KDM5C: variants seen among roughly 807,000 people sequenced by gnomAD.
The protein encoded by KDM5C is lysine-specific demethylase 5C.
A neutral mutation model predicts 110.6 loss-of-function variants in KDM5C; 16 were observed. The observed-to-expected ratio is 0.14, with a 90% CI of 0.10 to 0.22. The LOEUF is 0.22. Among genes scored for constraint, KDM5C ranks in the 10% least tolerant of loss-of-function variants. The pLI is 1.00. For missense variants in KDM5C, 681 were observed against 1,300.9 expected (o/e 0.52, Z 7.33); for synonymous variants, 511 against 520.4 (o/e 0.98, Z 0.24).
chrX:53,195,107 C>T, intron 21 of KDM5C, 39 bp from the exon 22 acceptor site: 5 of 1,195,466 alleles, frequency 4.2e-6, no homozygotes, highest in Non-Finnish European at 4.5e-6. Context: ...ACTGGGCTTC[C>T]CTTACATCCC....
rs1415151995 is a variant in KDM5C, at chrX:53,215,951, G to C, written c.807C>G (p.Pro269=). Residue 269 remains proline, a synonymous_variant, in exon 7 of 26, where the codon CCC becomes CCG. Coordinates refer to ENST00000375401, the MANE Select transcript of KDM5C (RefSeq NM_004187.5). ...CTAACTCCTCCTTCACCACTACTGTGGGGGGACACTCAGGCCCCTCCTTAT... is the reference window on the plus strand; with the variant it reads ...CTAACTCCTCCTTCACCACTACTGTCGGGGGACACTCAGGCCCCTCCTTAT... The part of the protein sequence containing the change: ...KKDKEGPECP[P]TVVVKEELGG... 4 of 1,210,049 alleles carry C rather than the reference G, an allele frequency of 3.3e-6. No individual in the cohort carries two copies. Among genetic ancestry groups the C allele is most frequent in the Non-Finnish European group, 4.5e-6 (4 of 894,982 alleles).
rs782431533 is a variant in KDM5C at position 53,193,755 on chromosome X, C to T, written c.4117+18G>A. 2.5e-6 allele frequency: 3 copies of T among 1,200,879 alleles called. No homozygotes were observed. Among genetic ancestry groups the T allele is most frequent in the African/African-American group, 3.5e-5 (2 of 57,667 alleles). On this transcript the variant is annotated intron_variant, in intron 24 of 25. Transcript: ENST00000375401. ...TGATGTGCAGTCAACAGCCTACCCA[C>T]ACCACACCTAGACCTACCTCTCTTA... is the stretch of plus-strand genomic sequence containing the variant.
At chrX:53,176,711 C>A in intron 25 of KDM5C, among the ~76,000 whole-genome samples, 1 of 111,887 alleles carries the variant, frequency 8.9e-6, no homozygotes, top group Middle Eastern at 4.6e-3. Flanking sequence ...ACTATACAGG[C>A]AAGAAGATAA....
chrX:53,187,214 C>G (rs781815323), downstream of KDM5C, among the ~76,000 whole-genome samples: 8 of 110,666 alleles, frequency 7.2e-5, no homozygotes, highest in East Asian at 2.3e-3. Flanking sequence ...AACAGTAACC[C>G]AAGCCCCCCT....
chrX:53,207,649 AT>A (rs1467443582), intron 12 of KDM5C, among the ~76,000 whole-genome samples: 1 of 112,114 alleles, frequency 8.9e-6, no homozygotes. Flanking sequence ...GGACATGTTT[AT>A]TTTATAATGA....
intron 12 of KDM5C, among the ~76,000 whole-genome samples, chrX:53,207,641 A>C (rs1479012363): frequency 7.1e-5 from 8 of 112,147 alleles, no homozygotes; most frequent in African/African-American, 2.6e-4. Flanking sequence ...TGGAAAGAGG[A>C]CATGTTTATT....
rs782146387 is a variant in KDM5C at position 53,194,828 on chromosome X, G to A, written c.3439-90C>T. ...CCTTAACACCCCCACTCCCAAACCA[G>A]GAGAACTGAGGCTCAGGGGACAAGC... On this transcript the variant is annotated intron_variant, in intron 22 of 25. Coordinates refer to ENST00000375401, the MANE Select transcript of KDM5C (RefSeq NM_004187.5). 6.6e-5 allele frequency: 78 copies of A among 1,187,331 alleles called. 1 individual carries two copies. In the East Asian group the frequency reaches 1.5e-3, roughly 23 times the overall value.
chrX:53,199,139 C>T lies in KDM5C; in HGVS notation c.2081G>A (p.Arg694Gln), dbSNP rs1556840281. Reference protein sequence around the residue: ...LLEKGITEAEREAFELLPDDE... With the variant: ...LLEKGITEAEQEAFELLPDDE... ...ATCTGGGAGCAGCTCGAAAGCCTCT[C>T]GCTCAGCCTCTGTGATACCCTAAGG... Residue 694 changes from arginine (R) to glutamine (Q), a missense_variant, in exon 15 of 26, where the codon CGA becomes CAA. By Grantham distance (43) the Arg-to-Gln change is conservative. Coordinates refer to ENST00000375401, the MANE Select transcript of KDM5C (RefSeq NM_004187.5). The T allele has an allele frequency of 8.3e-7, 1 of 1,211,633 alleles. No homozygotes were observed. Among genetic ancestry groups the T allele is most frequent in the East Asian group, 3.0e-5 (1 of 33,843 alleles).
chrX:53,210,498 A>G lies in KDM5C; in HGVS notation c.1662T>C (p.Pro554=). 1 of 1,212,031 alleles carries G rather than the reference A, an allele frequency of 8.3e-7. No homozygotes were observed. The highest frequency in any genetic ancestry group is 1.1e-6 in the Non-Finnish European group (1 of 895,554). Residue 554 remains proline (P), a synonymous_variant, in exon 12 of 26, where the codon CCT becomes CCC. Coordinates refer to ENST00000375401, the MANE Select transcript of KDM5C (RefSeq NM_004187.5). ...GGTCAGGCTGGCTATCAAATAGTTC[A>G]GGTGTCAGCTTCTTCATCACTTCTT... is the stretch of plus-strand genomic sequence containing the variant. ...HLEEVMKKLT[P]ELFDSQPDLL... is the part of the protein sequence containing the mutation.
chrX:53,224,580 C>A (rs2073987959), intron 1 of KDM5C, among the ~76,000 whole-genome samples, 160 bp downstream of exon 1: 1 of 111,106 alleles, frequency 9.0e-6, no homozygotes, highest in African/African-American at 3.3e-5. Flanking sequence ...ACGAGAGGAC[C>A]CCTGGCCCAA....
At chrX:53,181,793 C>CT (rs781919129) in intron 25 of KDM5C, among the ~76,000 whole-genome samples, 2,107 of 101,331 alleles carry the variant, frequency 0.021, 44 homozygotes, top group African/African-American at 0.065. Flanking sequence ...TTGGGCCAAA[C>CT]TTTTTTTTTT....
At chrX:53,201,503 C>G in intron 14 of KDM5C, 47 bp downstream of exon 14, 1 of 1,172,239 alleles carries the variant, frequency 8.5e-7, no homozygotes, top group East Asian at 3.0e-5. Context: ...TCTGCCTCCC[C>G]GAACTTCCAC....
intron 12 of KDM5C, among the ~76,000 whole-genome samples, chrX:53,207,895 G>A (rs1556846467): frequency 1.9e-5 from 2 of 104,639 alleles, no homozygotes; most frequent in Non-Finnish European, 3.9e-5. Flanking sequence ...GTTGCAGTGA[G>A]CTGAGATCGT....
Position 53,194,322 on chromosome X carries a change from G to A in KDM5C, c.3855C>T (p.Ala1285=), listed in dbSNP as rs927534851. The change falls in exon 23 of 26, where the codon GCC becomes GCT. Residue 1285 remains alanine (A), a synonymous_variant. Transcript: ENST00000375401. ...GCCTGGCGCGGCCTTGCCAGCTGATGGCCCTCTCTGTGAGGCACTGCAGGG... is the reference window on the plus strand; with the variant it reads ...GCCTGGCGCGGCCTTGCCAGCTGATAGCCCTCTCTGTGAGGCACTGCAGGG... ...GEALQCLTER[A]ISWQGRARQA... 1.8e-5 allele frequency: 22 copies of A among 1,211,121 alleles called. No homozygotes were observed. Among genetic ancestry groups the A allele is most frequent in the Non-Finnish European group, 2.5e-5 (22 of 895,205 alleles).
At chrX:53,197,920 C>T (rs2073012820) in intron 17 of KDM5C, 44 bp from the exon 18 acceptor site, 12 of 945,094 alleles carry the variant, frequency 1.3e-5, no homozygotes, top group Non-Finnish European at 1.8e-5. Context: ...AACTCAGTGC[C>T]TTCCCTCCAT....
chrX:53,218,721 G>A lies in KDM5C; in HGVS notation c.229-323C>T, dbSNP rs956664893. 7.5e-5 allele frequency: 27 copies of A among 358,305 alleles called. No individual in the cohort carries two copies. The East Asian group carries it at 8.3e-4, about 11-fold the overall frequency. The allele number at this position is 358,305 out of a possible 1,213,427, so 29.5% of individuals were successfully genotyped here. ...CTCCTGAGTAGCTGGAACTATAGGC[G>A]CACGCCACCACGCCCGGCTAATTTT... On this transcript the variant is annotated intron_variant, in intron 2 of 25. Transcript: ENST00000375401.
At chrX:53,202,243 A>G (rs1443747284) in intron 12 of KDM5C, 4 of 317,320 alleles carry the variant, frequency 1.3e-5, no homozygotes, top group African/African-American at 1.1e-4. Flanking sequence ...AAAAATTATA[A>G]ATATCACTTT....
chrX:53,180,412 A>G (rs782233441), intron 25 of KDM5C, among the ~76,000 whole-genome samples: 46 of 111,618 alleles, frequency 4.1e-4, no homozygotes, highest in African/African-American at 1.5e-3. Context: ...AGTGAACCTT[A>G]ATGTAAGCTA....
Position 53,197,890 on chromosome X carries a change from CAT to C in KDM5C, c.2517-16_2517-15del. 2.6e-6 allele frequency: 3 copies of C among 1,137,089 alleles called. No homozygotes were observed. Among genetic ancestry groups the C allele is most frequent in the Non-Finnish European group, 3.6e-6 (3 of 840,208 alleles). The allele number at this position is 1,137,089 out of a possible 1,213,427, so 93.7% of individuals were successfully genotyped here. A position where few individuals can be genotyped will look rare whatever the true frequency, so the allele number is the denominator to read the frequency against. On this transcript the variant is annotated splice_polypyrimidine_tract_variant and intron_variant, in intron 17 of 25. Coordinates refer to ENST00000375401, the MANE Select transcript of KDM5C (RefSeq NM_004187.5). ...ACCCTGTGGGGGCTATGAAGTATCA[CAT>C]GTGAGGTTTCAGGTCCAAACTCAGT...
Sources: allele counts gnomAD v4.1 joint callset (sites outside exome capture counted in the v4.1 genomes callset), GRCh38; gene constraint gnomAD v4.1.1; transcripts MANE v1.5; gene names NCBI Gene and HGNC (gene_info 2026-07-23, HGNC 2026-07-21).